The following POLG2 variants were observed in gnomAD, a reference collection of about 807,000 sequenced individuals.
POLG2 encodes DNA polymerase gamma 2, accessory subunit.
A neutral mutation model predicts 56.5 loss-of-function variants in POLG2; 50 were observed. The ratio of observed to expected loss-of-function variants is 0.88; its 90% CI spans 0.71 to 1.12. The LOEUF (loss-of-function observed/expected upper bound fraction) is 1.12, where lower values mean the gene tolerates loss of function less well. POLG2 is among the 50% of genes most tolerant of loss of function. POLG2 has a pLI of 0.00. For missense variants in POLG2, 584 were observed against 583.3 expected (o/e 1.00, Z -0.01); for synonymous variants, 226 against 222.6 (o/e 1.02, Z -0.14).
At chr17:64,487,228 G>C (rs1283212796) in intron 4 of POLG2, 2 of 152,140 alleles carry the variant, frequency 1.3e-5, no homozygotes, top group Admixed American at 1.3e-4. Flanking sequence ...AGATTCACAA[G>C]AATTTGCCCT....
intron 4 of POLG2, among the ~76,000 whole-genome samples, chr17:64,489,050 T>C (rs1268900318): frequency 6.7e-6 from 1 of 148,298 alleles, no homozygotes; most frequent in African/African-American, 2.5e-5. Flanking sequence ...TTTTGAGACA[T>C]GGTCTCATCC....
Position 64,496,657 on chromosome 17 carries a change from T to C in POLG2, c.312A>G (p.Val104=), listed in dbSNP as rs1555669585. ...GCHPGFGPLG[V]ELRKNLAAEW... ...CTGCGGCCAGGTTCTTCCGCAACTC[T>C]ACGCCCAAGGGTCCGAAGCCGGGGT... Residue 104 remains valine (V), a synonymous_variant, in exon 1 of 8, where the codon GTA becomes GTG. Coordinates refer to ENST00000539111, the MANE Select transcript of POLG2 (RefSeq NM_007215.4). The C allele has an allele frequency of 2.5e-6, 4 of 1,613,940 alleles. 1 individual carries two copies. In the South Asian group the frequency reaches 4.4e-5, roughly 18 times the overall value.
At chr17:64,478,186 T>C (rs1598116665) in intron 7 of POLG2, among the ~76,000 whole-genome samples, 198 bp from the exon 8 acceptor site, 1 of 152,350 alleles carries the variant, frequency 6.6e-6, no homozygotes, top group East Asian at 1.9e-4. Context: ...TTCTAACTTA[T>C]TGCTAGAGCT....
chr17:64,489,242 C>T (rs2144177358), intron 4 of POLG2, among the ~76,000 whole-genome samples: 1 of 150,216 alleles, frequency 6.7e-6, no homozygotes, highest in South Asian at 2.1e-4. Flanking sequence ...CACACTGTAA[C>T]CCCCTGAGAA....
At position 64,496,483 on chromosome 17, in the gene POLG2, C is replaced by G. The variant is rs2038153789; in HGVS notation, c.486G>C (p.Leu162=). The G allele has an allele frequency of 6.2e-7, 1 of 1,612,140 alleles. No individual in the cohort carries two copies. The highest frequency in any genetic ancestry group is 1.7e-5 in the Admixed American group (1 of 60,006). The change falls in exon 1 of 8, where the codon CTG becomes CTC. Residue 162 remains leucine, a synonymous_variant. Transcript: ENST00000539111. ...TLREILQDKE[L]SKEQLVAFLE... is the part of the protein sequence containing the mutation. ...GAAATGCTACTAGCTGTTCCTTACT[C>G]AGCTCTTTGTCTTGCAAGATTTCGC...
At chr17:64,480,510 T>C in intron 6 of POLG2, 121 bp from the exon 7 acceptor site, 1 of 525,832 alleles carries the variant, frequency 1.9e-6, no homozygotes, top group African/African-American at 1.9e-5. Flanking sequence ...GTTTCTTTAA[T>C]TATGTGATGT....
intron 1 of POLG2, among the ~76,000 whole-genome samples, chr17:64,495,811 C>T (rs1598137970): frequency 6.6e-6 from 1 of 151,896 alleles, no homozygotes; most frequent in East Asian, 1.9e-4. Context: ...TGGGTTCAAG[C>T]GATTCTCCTG....
intron 7 of POLG2, among the ~76,000 whole-genome samples, chr17:64,479,897 C>T (rs9902418): frequency 0.28 from 42,127 of 152,066 alleles, 11,244 homozygotes; most frequent in African/African-American, 0.7. Flanking sequence ...TAGAACAGAC[C>T]ATCCCTCCAG....
Position 64,485,809 on chromosome 17 carries a change from G to A in POLG2, c.1029C>T (p.Asp343=), listed in dbSNP as rs1555667357. 1.2e-6 allele frequency: 2 copies of A among 1,612,528 alleles called. No homozygotes were observed. The highest frequency in any genetic ancestry group is 1.7e-6 in the Non-Finnish European group (2 of 1,178,624). The part of the protein sequence containing the change: ...PCVLSVNGDL[D]RGMLAYLYDS... ...CATAGAGGTAGGCCAGCATGCCTCG[G>A]TCTAGGTCCCCATTTACAGAGAGAA... Residue 343 remains aspartate (D), a synonymous_variant, in exon 5 of 8, where the codon GAC becomes GAT. Coordinates refer to ENST00000539111, the MANE Select transcript of POLG2 (RefSeq NM_007215.4).
At chr17:64,483,037 G>T in intron 5 of POLG2, 38 bp from the exon 6 acceptor site, 1 of 1,011,094 alleles carries the variant, frequency 9.9e-7, no homozygotes. Flanking sequence ...AGACAGGAAA[G>T]GGGAAAAAGC....
At position 64,496,452 on chromosome 17, in the gene POLG2, T is replaced by C; in HGVS notation, c.517A>G (p.Asn173Asp). 1 of 1,595,026 alleles carries C rather than the reference T, an allele frequency of 6.3e-7. No individual in the cohort carries two copies. The highest frequency in any genetic ancestry group is 2.3e-5 in the East Asian group (1 of 44,322). ...AGTTTCCCAGAAGTTTTTAATACGT[T>C]CTCAAGAAATGCTACTAGCTGTTCC... The part of the protein sequence containing the change: ...SKEQLVAFLE[N>D]VLKTSGKLRE... Residue 173 changes from asparagine (N) to aspartate (D), a missense_variant, in exon 1 of 8, where the codon AAC (asparagine) becomes GAC (aspartate). Asn to Asp is a conservative substitution (Grantham distance 23). Transcript: ENST00000539111.
At chr17:64,489,352 G>GC (rs141795684) in intron 4 of POLG2, among the ~76,000 whole-genome samples, 1 of 133,566 alleles carries the variant, frequency 7.5e-6, no homozygotes, top group African/African-American at 2.7e-5. Context: ...GATGGAATTT[G>GC]TTTTTTTTTA....
At chr17:64,488,475 G>A (rs2037996599) in intron 4 of POLG2, among the ~76,000 whole-genome samples, 1 of 152,096 alleles carries the variant, frequency 6.6e-6, no homozygotes, top group Non-Finnish European at 1.5e-5. Context: ...GGCAGAGGCA[G>A]GAGAACAGCT....
intron 4 of POLG2, among the ~76,000 whole-genome samples, chr17:64,489,061 T>C (rs1327544430): frequency 6.0e-5 from 9 of 150,284 alleles, no homozygotes; most frequent in Non-Finnish European, 8.9e-5. Flanking sequence ...GGTCTCATCC[T>C]GTTGCACAGG....
chr17:64,481,835 A>G (rs1352480115), intron 6 of POLG2, among the ~76,000 whole-genome samples: 2 of 151,970 alleles, frequency 1.3e-5, no homozygotes, highest in Non-Finnish European at 2.9e-5. Context: ...AGATCGTGCC[A>G]CTGCACTCCA....
Position 64,496,973 on chromosome 17 carries a change from C to T in POLG2, c.-5G>A, listed in dbSNP as rs782806271. On this transcript the variant is annotated 5_prime_UTR_variant, in exon 1 of 8. Coordinates refer to ENST00000539111, the MANE Select transcript of POLG2 (RefSeq NM_007215.4). Reference sequence around the variant, plus strand: ...GACGGCTACACGAGAGCGCATCTCTCTCCGAAGTTAAAGAGCACACTCTCC... The same window carrying T: ...GACGGCTACACGAGAGCGCATCTCTTTCCGAAGTTAAAGAGCACACTCTCC... The T allele has an allele frequency of 1.6e-5, 25 of 1,603,300 alleles. No homozygotes were observed. The highest frequency in any genetic ancestry group is 2.2e-5 in the South Asian group (2 of 91,086).
At position 64,478,624 on chromosome 17, in the gene POLG2, G is replaced by A. The variant is rs782606976; in HGVS notation, c.1293-636C>T. Among the ~76,000 whole-genome samples the A allele has an allele frequency of 3.3e-5, 5 of 152,200 alleles. No individual in the cohort carries two copies. In the South Asian group the frequency reaches 8.3e-4, roughly 25 times the overall value. On this transcript the variant is annotated intron_variant, in intron 7 of 7. Coordinates refer to ENST00000539111, the MANE Select transcript of POLG2 (RefSeq NM_007215.4). ...CTTAACAAGAATAGTATGGCTGGGC[G>A]TGGTGACTCATGCCTGTAATCCCAG...
At chr17:64,486,143 A>G (rs578241242) in intron 4 of POLG2, among the ~76,000 whole-genome samples, 11 of 152,252 alleles carry the variant, frequency 7.2e-5, no homozygotes, top group South Asian at 6.2e-4. Flanking sequence ...TGGGCCCACG[A>G]AGACGATAAA....
intron 7 of POLG2, among the ~76,000 whole-genome samples, 158 bp from the exon 8 acceptor site, chr17:64,478,146 A>T (rs2037798466): frequency 6.6e-6 from 1 of 152,224 alleles, no homozygotes. Context: ...AAGTTTCTGA[A>T]TTGTATTTAA....
Sources: allele counts gnomAD v4.1 joint callset (sites outside exome capture counted in the v4.1 genomes callset), GRCh38; gene constraint gnomAD v4.1.1; transcripts MANE v1.5; gene names NCBI Gene and HGNC (gene_info 2026-07-23, HGNC 2026-07-21).